PKHD1: variants seen among roughly 807,000 people sequenced by gnomAD.
PKHD1 encodes the protein PKHD1 ciliary IPT domain containing fibrocystin/polyductin, also known as fibrocystin.
A neutral mutation model predicts 412.0 loss-of-function variants in PKHD1; 291 were observed. That is an observed-to-expected ratio of 0.71 (90% CI 0.64 to 0.78). The LOEUF is 0.78. Among genes scored for constraint, PKHD1 ranks in the 30% least tolerant of loss-of-function variants. PKHD1 has a pLI of 0.00. For synonymous variants in PKHD1, 1,777 were observed against 1,821.5 expected, an observed-to-expected ratio of 0.98 and a Z score of 0.62; for missense variants, 4,825 against 4,950.7, an observed-to-expected ratio of 0.97 and a Z score of 0.76.
At chr6:51,960,498 G>A (rs1018975085) in intron 35 of PKHD1, among the ~76,000 whole-genome samples, 1 of 152,068 alleles carries the variant, frequency 6.6e-6, no homozygotes, top group Admixed American at 6.6e-5. Flanking sequence ...TTGATGGGTG[G>A]CATTTTGCTT....
intron 60 of PKHD1, among the ~76,000 whole-genome samples, chr6:51,718,185 T>A (rs961212624): frequency 1.3e-5 from 2 of 152,204 alleles, no homozygotes; most frequent in African/African-American, 4.8e-5. Context: ...GGTGAGCTGA[T>A]TAGACATTGC....
chr6:51,920,413 T>C (rs1000335386), intron 37 of PKHD1, among the ~76,000 whole-genome samples: 4 of 152,372 alleles, frequency 2.6e-5, no homozygotes, highest in African/African-American at 9.6e-5. Context: ...GTTCGGTTTA[T>C]ATGCTGGATT....
intron 65 of PKHD1, among the ~76,000 whole-genome samples, chr6:51,629,454 T>C (rs1767670804): frequency 6.6e-6 from 1 of 151,930 alleles, no homozygotes; most frequent in Admixed American, 6.6e-5. Flanking sequence ...CAAAAGTATG[T>C]GAAAAAAATG....
intron 36 of PKHD1, among the ~76,000 whole-genome samples, chr6:51,948,959 C>T (rs1243863514): frequency 6.6e-6 from 1 of 152,074 alleles, no homozygotes; most frequent in African/African-American, 2.4e-5. Flanking sequence ...AAAAGGTGCA[C>T]AGCCAGCATG....
intron 35 of PKHD1, among the ~76,000 whole-genome samples, chr6:51,981,705 A>G (rs1795336962): frequency 7.0e-6 from 1 of 141,876 alleles, no homozygotes; most frequent in Non-Finnish European, 1.6e-5. Flanking sequence ...TGGCCCCCCA[A>G]AGTGCCGAGA....
At chr6:51,968,537 T>C (rs1442257167) in intron 35 of PKHD1, among the ~76,000 whole-genome samples, 1 of 152,218 alleles carries the variant, frequency 6.6e-6, no homozygotes, top group African/African-American at 2.4e-5. Flanking sequence ...GTCTTCTCCC[T>C]GTCTTCTTGT....
At chr6:51,864,360 T>C (rs1774697494) in intron 48 of PKHD1, among the ~76,000 whole-genome samples, 1 of 152,156 alleles carries the variant, frequency 6.6e-6, no homozygotes, top group Non-Finnish European at 1.5e-5. Context: ...AGTTCAGAGA[T>C]TGAAACACCG....
In PKHD1 at chr6:51,817,498, G is replaced by C. The variant is rs141293297; in HGVS notation, c.8302+13363C>G. 2.0e-5 allele frequency among the ~76,000 whole-genome samples: 3 copies of C among 152,228 alleles called. No homozygotes were observed. In the East Asian group the frequency reaches 5.8e-4, roughly 29 times the overall value. On this transcript the variant is annotated intron_variant, in intron 52 of 66. Coordinates refer to ENST00000371117, the MANE Select transcript of PKHD1 (RefSeq NM_138694.4). Reference sequence around the variant, plus strand: ...ACTGAGGGGAGAGGGAAGGGGACTGGTGTGTCAGTTTCAGAGTTTTGATTC... The same window carrying C: ...ACTGAGGGGAGAGGGAAGGGGACTGCTGTGTCAGTTTCAGAGTTTTGATTC...
At chr6:51,777,660 G>T (rs1159802278) in intron 53 of PKHD1, among the ~76,000 whole-genome samples, 1 of 142,572 alleles carries the variant, frequency 7.0e-6, no homozygotes, top group Non-Finnish European at 1.5e-5. Flanking sequence ...TTTCACGGAG[G>T]GTAGTTTAGA....
intron 54 of PKHD1, 43 bp downstream of exon 54, chr6:51,775,765 C>T (rs1047510449): frequency 2.2e-6 from 2 of 916,742 alleles, no homozygotes; most frequent in Non-Finnish European, 3.6e-6. Context: ...ACAATACACA[C>T]ACATGCATTT....
intron 5 of PKHD1, among the ~76,000 whole-genome samples, chr6:52,076,640 C>G (rs1349393903): frequency 6.6e-6 from 1 of 152,190 alleles, no homozygotes; most frequent in Non-Finnish European, 1.5e-5. Flanking sequence ...CTTCCATACC[C>G]AAGAACACAT....
chr6:51,939,190 C>A (rs1299846232), intron 36 of PKHD1, among the ~76,000 whole-genome samples: 2 of 151,168 alleles, frequency 1.3e-5, no homozygotes, highest in African/African-American at 2.4e-5. Flanking sequence ...CATGTCTCTA[C>A]CCCTTCTCCA....
chr6:51,764,640 A>G (rs1184995915), intron 55 of PKHD1, among the ~76,000 whole-genome samples: 1 of 151,906 alleles, frequency 6.6e-6, no homozygotes, highest in Admixed American at 6.6e-5. Flanking sequence ...CATTATTCAC[A>G]ATAGCAAAGA....
chr6:51,865,499 G>A (rs886960547), intron 48 of PKHD1, among the ~76,000 whole-genome samples: 1 of 152,160 alleles, frequency 6.6e-6, no homozygotes, highest in Non-Finnish European at 1.5e-5. Context: ...ATGGACCAGA[G>A]AGGGGGCCTA....
rs368993540 is a variant in PKHD1, at chr6:51,721,952, T to C, written c.10156+22433A>G. The C allele has an allele frequency of 8.7e-5, 140 of 1,613,382 alleles. No individual in the cohort carries two copies. In the African/African-American group the frequency reaches 1.7e-3, roughly 20 times the overall value. On this transcript the variant is annotated intron_variant, in intron 60 of 66. Coordinates refer to ENST00000371117, the MANE Select transcript of PKHD1 (RefSeq NM_138694.4). Reference sequence around the variant, plus strand: ...ACCCTGCTTCCTGCTGCCTCATTAATCTTTCAAAGTTCAGCTTCCTGCAGG... The same window carrying C: ...ACCCTGCTTCCTGCTGCCTCATTAACCTTTCAAAGTTCAGCTTCCTGCAGG...
intron 35 of PKHD1, among the ~76,000 whole-genome samples, chr6:51,992,514 G>A (rs779900116): frequency 1.3e-5 from 2 of 152,234 alleles, no homozygotes; most frequent in Non-Finnish European, 1.5e-5. Flanking sequence ...GCAGTATGAA[G>A]ATGAGTTTAA....
At chr6:51,647,340 G>C (rs1770228344) in intron 63 of PKHD1, among the ~76,000 whole-genome samples, 3 of 152,038 alleles carry the variant, frequency 2.0e-5, no homozygotes, top group Non-Finnish European at 4.4e-5. Flanking sequence ...TCTAGACCAG[G>C]CCCTAAAATG....
chr6:52,006,172 T>TTATATA (rs147639455), intron 35 of PKHD1, among the ~76,000 whole-genome samples: 1 of 149,174 alleles, frequency 6.7e-6, no homozygotes, highest in African/African-American at 2.5e-5. Context: ...CACTAAAAAA[T>TTATATA]TATATATATA....
intron 53 of PKHD1, among the ~76,000 whole-genome samples, chr6:51,784,423 A>T (rs1167357870): frequency 2.0e-5 from 3 of 152,210 alleles, no homozygotes; most frequent in Admixed American, 2.0e-4. Flanking sequence ...CCTTACCAAT[A>T]AAACGAGACA....
Sources: gnomAD v4.1 joint callset for allele counts (sites outside exome capture counted in the v4.1 genomes callset) on GRCh38, gnomAD v4.1.1 for gene constraint, MANE v1.5 for transcripts, NCBI Gene and HGNC (gene_info 2026-07-23, HGNC 2026-07-21) for gene names.